Variants in EXOSC8 observed in about 807,000 individuals in gnomAD.
EXOSC8 encodes exosome complex component RRP43.
A neutral mutation model predicts 39.9 loss-of-function variants in EXOSC8; 37 were observed. That is an observed-to-expected ratio of 0.93 (90% CI 0.71 to 1.22). The LOEUF is 1.22. EXOSC8 is among the 50% of genes most tolerant of loss of function. EXOSC8 has a pLI of 0.00. For synonymous variants in EXOSC8, 93 were observed against 109.5 expected (o/e 0.85, Z 0.94); for missense variants, 313 against 326.6 (o/e 0.96, Z 0.32).
chr13:37,009,201 G>A lies in EXOSC8; in HGVS notation c.733G>A (p.Gly245Arg), dbSNP rs1168921564. The A allele has an allele frequency of 6.2e-7, 1 of 1,610,482 alleles. No homozygotes were observed. Among genetic ancestry groups the A allele is most frequent in the Non-Finnish European group, 8.5e-7 (1 of 1,178,350 alleles). The change falls in exon 11 of 11, where the codon GGA (glycine) becomes AGA (arginine). Residue 245 changes from glycine (G) to arginine (R), a missense_variant. By Grantham distance (125) the Gly-to-Arg change is moderately radical (BLOSUM62 -2). Coordinates refer to ENST00000389704, the MANE Select transcript of EXOSC8 (RefSeq NM_181503.3). ...TTTTTCAGGTGGAAGTGGGCTAACT[G>A]GAGCTAAACTTCAGGACTGTATGAG... ...LHKPGGSGLT[G>R]AKLQDCMSRA...
Position 37,006,158 on chromosome 13 carries a change from A to G in EXOSC8, c.388A>G (p.Lys130Glu). ...AGAGGACTTATGCATTTCTCCAGGAAAGGTAAGAGGAATAGAGAAGCTATA... is the reference window on the plus strand; with the variant it reads ...AGAGGACTTATGCATTTCTCCAGGAGAGGTAAGAGGAATAGAGAAGCTATA... Reference protein sequence around the residue: ...QKEDLCISPGKLVWVLYCDLI... With the variant: ...QKEDLCISPGELVWVLYCDLI... Residue 130 changes from lysine to glutamate, a missense_variant and splice_region_variant, in exon 7 of 11, where the codon AAG (lysine) becomes GAG (glutamate). Physicochemically the swap from Lys to Glu is moderately conservative, Grantham distance 56. Coordinates refer to ENST00000389704, the MANE Select transcript of EXOSC8 (RefSeq NM_181503.3). The G allele has an allele frequency of 6.2e-7, 1 of 1,604,656 alleles. No individual in the cohort carries two copies. Among genetic ancestry groups the G allele is most frequent in the Non-Finnish European group, 8.5e-7 (1 of 1,171,844 alleles).
At position 37,008,068 on chromosome 13, in the gene EXOSC8, G is replaced by A; in HGVS notation, c.499G>A (p.Glu167Lys). 1 of 1,594,492 alleles carries A rather than the reference G, an allele frequency of 6.3e-7. No individual in the cohort carries two copies. The highest frequency in any genetic ancestry group is 8.6e-7 in the Non-Finnish European group (1 of 1,168,974). ...LAALKNVQLP[E>K]VTINEETALA... Reference sequence around the variant, plus strand: ...TTGCCTTTTCTTAGTACAGTTGCCTGAAGTTACTATAAATGAAGAAACTGC... The same window carrying A: ...TTGCCTTTTCTTAGTACAGTTGCCTAAAGTTACTATAAATGAAGAAACTGC... Residue 167 changes from glutamate to lysine, a missense_variant, in exon 9 of 11, where the codon GAA becomes AAA. By Grantham distance (56) the Glu-to-Lys change is moderately conservative (BLOSUM62 1). Coordinates refer to ENST00000389704, the MANE Select transcript of EXOSC8 (RefSeq NM_181503.3).
At position 37,009,343 on chromosome 13, in the gene EXOSC8, G is replaced by C; in HGVS notation, c.*44G>C. ...AAACAGATTTGTAAAAATTGTATTT[G>C]TTAACACTGTGCACAAACGTTTTAT... On this transcript the variant is annotated 3_prime_UTR_variant, in exon 11 of 11. Coordinates refer to ENST00000389704, the MANE Select transcript of EXOSC8 (RefSeq NM_181503.3). 9.0e-7 allele frequency: 1 copy of C among 1,108,362 alleles called. No homozygotes were observed. 68.7% of individuals were successfully genotyped at this position (1,108,362 alleles called of 1,614,324 possible). A position where few individuals can be genotyped will look rare whatever the true frequency, so the allele number is the denominator to read the frequency against.
chr13:37,009,154 A>G, intron 10 of EXOSC8, 30 bp from the exon 11 acceptor site: 2 of 1,381,330 alleles, frequency 1.4e-6, no homozygotes, highest in Admixed American at 1.9e-5. Context: ...GATAACTGAG[A>G]TTAAAAGTAT....
chr13:37,007,350 G>A (rs1007794474), intron 8 of EXOSC8, among the ~76,000 whole-genome samples: 1 of 152,204 alleles, frequency 6.6e-6, no homozygotes, highest in Non-Finnish European at 1.5e-5. Flanking sequence ...CTTCTGGCTA[G>A]GTGATTGGTG....
At chr13:37,007,785 T>TAA (rs2059155350) in intron 8 of EXOSC8, among the ~76,000 whole-genome samples, 1 of 152,114 alleles carries the variant, frequency 6.6e-6, no homozygotes, top group Non-Finnish European at 1.5e-5. Context: ...TGAAAATGCT[T>TAA]AAAACAGTAC....
intron 5 of EXOSC8, 121 bp downstream of exon 5, chr13:37,004,682 A>G: frequency 1.6e-6 from 1 of 621,948 alleles, no homozygotes; most frequent in Non-Finnish European, 2.8e-6. Flanking sequence ...AATATTTATG[A>G]ATAAAACAAA....
At chr13:37,002,167 T>C in intron 1 of EXOSC8, 106 bp from the exon 2 acceptor site, 1 of 769,124 alleles carries the variant, frequency 1.3e-6, no homozygotes, top group Non-Finnish European at 2.2e-6. Flanking sequence ...GTTAAAAAGT[T>C]GTGGAGATTT....
At position 37,005,951 on chromosome 13, in the gene EXOSC8, A is replaced by G. The variant is rs11550131; in HGVS notation, c.270A>G (p.Ser90=). The part of the protein sequence containing the change: ...VPNVDLPPLC[S]SRFRSGPPGE... ...ATGTGGATCTACCACCCCTGTGTTC[A>G]TCGAGATTCCGGTCTGGACCTCCTG... The change falls in exon 6 of 11, where the codon TCA becomes TCG. Residue 90 remains serine (S), a synonymous_variant. Coordinates refer to ENST00000389704, the MANE Select transcript of EXOSC8 (RefSeq NM_181503.3). The G allele has an allele frequency of 2.5e-6, 4 of 1,609,706 alleles. No homozygotes were observed. The highest frequency in any genetic ancestry group is 2.2e-5 in the South Asian group (2 of 90,960).
chr13:37,005,094 C>CA (rs11372256), intron 5 of EXOSC8, among the ~76,000 whole-genome samples: 3,043 of 151,762 alleles, frequency 0.02, 59 homozygotes, highest in African/African-American at 0.058. Context: ...GCCTGAGTGA[C>CA]AGAGTGAAAC....
chr13:37,002,316 A>G lies in EXOSC8; in HGVS notation c.54+7A>G, dbSNP rs1332338921. ...GTATTACAGGAGATTTCTGGTGAGT[A>G]AAGGTTATGTACATGTTATGCGTTT... On this transcript the variant is annotated splice_region_variant and intron_variant, in intron 2 of 10. Transcript: ENST00000389704. 1 of 1,605,646 alleles carries G rather than the reference A, an allele frequency of 6.2e-7. No individual in the cohort carries two copies. The highest frequency in any genetic ancestry group is 8.5e-7 in the Non-Finnish European group (1 of 1,172,696).
rs149992973 is a variant in EXOSC8 at position 37,007,143 on chromosome 13, T to G, written c.487+72T>G. 163 of 953,464 alleles carry G rather than the reference T, an allele frequency of 1.7e-4. No individual in the cohort carries two copies. The East Asian group carries it at 3.6e-3, about 21-fold the overall frequency. The allele number at this position is 953,464 out of a possible 1,614,324, so 59.1% of individuals were successfully genotyped here. On this transcript the variant is annotated intron_variant, in intron 8 of 10. Transcript: ENST00000389704. The stretch of plus-strand genomic sequence containing the variant: ...ATGTTGTTTTGTGAAACTTTTAATG[T>G]ACATTTGCTTTCGTATGCTTCCAAA...
intron 4 of EXOSC8, chr13:37,004,189 C>T (rs576805477): frequency 9.7e-6 from 2 of 206,916 alleles, no homozygotes; most frequent in African/African-American, 4.6e-5. Flanking sequence ...TGCTCTTTAC[C>T]ACTAAAGCAG....
Position 37,000,909 on chromosome 13 carries a change from A to T in EXOSC8, c.17+87A>T. On this transcript the variant is annotated intron_variant, in intron 1 of 10. Transcript: ENST00000389704. ...TCTTAGCTGGGATTCTCTCACCTGG[A>T]GGCCGACCCCGTTGGGGTGCCATTT... is the stretch of plus-strand genomic sequence containing the variant. 2.8e-6 allele frequency: 4 copies of T among 1,405,852 alleles called. No individual in the cohort carries two copies. The South Asian group carries it at 5.9e-5, about 21-fold the overall frequency. 87.1% of individuals were successfully genotyped at this position (1,405,852 alleles called of 1,614,324 possible).
At chr13:37,001,211 C>T (rs1381044588) in intron 1 of EXOSC8, among the ~76,000 whole-genome samples, 1 of 152,090 alleles carries the variant, frequency 6.6e-6, no homozygotes, top group Non-Finnish European at 1.5e-5. Context: ...GAGTTCGAGA[C>T]CAGCCTGGTG....
At position 37,002,558 on chromosome 13, in the gene EXOSC8, A is replaced by T. The variant is rs140557324; in HGVS notation, c.118+7A>T. On this transcript the variant is annotated splice_region_variant and intron_variant, in intron 3 of 10. Transcript: ENST00000389704. ...ACCACAACTGTCAACATCGGTAAGGATGTATTTTCCACTTTCAACTGTATG... is the reference window on the plus strand; with the variant it reads ...ACCACAACTGTCAACATCGGTAAGGTTGTATTTTCCACTTTCAACTGTATG... 5.7e-4 allele frequency: 903 copies of T among 1,577,164 alleles called. 6 individuals are homozygous for T. In the African/African-American group the frequency reaches 0.011, roughly 19 times the overall value.
At position 37,006,167 on chromosome 13, in the gene EXOSC8, G is replaced by A; in HGVS notation, c.390+7G>A. On this transcript the variant is annotated splice_region_variant and intron_variant, in intron 7 of 10. Transcript: ENST00000389704. ...ATGCATTTCTCCAGGAAAGGTAAGAGGAATAGAGAAGCTATAAGTTCTTAT... is the reference window on the plus strand; with the variant it reads ...ATGCATTTCTCCAGGAAAGGTAAGAAGAATAGAGAAGCTATAAGTTCTTAT... 6.3e-7 allele frequency: 1 copy of A among 1,589,756 alleles called. No individual in the cohort carries two copies. Among genetic ancestry groups the A allele is most frequent in the Non-Finnish European group, 8.6e-7 (1 of 1,161,202 alleles).
At chr13:37,006,308 T>A in intron 7 of EXOSC8, 148 bp downstream of exon 7, 1 of 613,962 alleles carries the variant, frequency 1.6e-6, no homozygotes, top group Non-Finnish European at 2.9e-6. Context: ...AGTAATTTCT[T>A]ACTCTATAAT....
intron 1 of EXOSC8, chr13:37,001,722 C>T (rs1487727327): frequency 1.3e-5 from 2 of 152,158 alleles, no homozygotes; most frequent in Non-Finnish European, 2.9e-5. Flanking sequence ...TTCAAAGTAA[C>T]GGTGAGCCTG....
Sources: allele counts gnomAD v4.1 joint callset (sites outside exome capture counted in the v4.1 genomes callset), GRCh38; gene constraint gnomAD v4.1.1; transcripts MANE v1.5; gene names NCBI Gene and HGNC (gene_info 2026-07-23, HGNC 2026-07-21).